FHIT: variants seen among roughly 807,000 people sequenced by gnomAD.
The protein encoded by FHIT is bis(5'-adenosyl)-triphosphatase.
A neutral mutation model predicts 17.9 loss-of-function variants in FHIT; 19 were observed. The observed-to-expected ratio is 1.06, with a 90% CI of 0.74 to 1.56. FHIT has a LOEUF of 1.56. Ranked by LOEUF, FHIT falls within the 40% of genes most tolerant of loss-of-function variation. The pLI is 0.00. For missense variants in FHIT, 248 were observed against 189.2 expected, an observed-to-expected ratio of 1.31 and a Z score of -1.82; for synonymous variants, 81 against 69.7, an observed-to-expected ratio of 1.16 and a Z score of -0.81.
At chr3:61,134,510 A>G (rs1412937007) in intron 2 of FHIT, among the ~76,000 whole-genome samples, 1 of 152,174 alleles carries the variant, frequency 6.6e-6, no homozygotes, top group Non-Finnish European at 1.5e-5. Flanking sequence ...CTGACTTCAA[A>G]AAGCTATGAG....
intron 4 of FHIT, among the ~76,000 whole-genome samples, chr3:60,538,264 A>G (rs1442288664): frequency 6.6e-6 from 1 of 152,220 alleles, no homozygotes; most frequent in Non-Finnish European, 1.5e-5. Flanking sequence ...GGAGAACTAC[A>G]AACCACTGCT....
chr3:60,818,228 G>A (rs1209628433), intron 4 of FHIT, among the ~76,000 whole-genome samples: 3 of 152,066 alleles, frequency 2.0e-5, no homozygotes, highest in East Asian at 3.9e-4. Context: ...GGCTCATCTT[G>A]GAATTGGTCT....
intron 8 of FHIT, among the ~76,000 whole-genome samples, chr3:59,913,409 G>A (rs1046271323): frequency 6.6e-6 from 1 of 152,112 alleles, no homozygotes; most frequent in Non-Finnish European, 1.5e-5. Flanking sequence ...AACAGACTTT[G>A]ATATAAACAA....
At chr3:60,992,288 C>G (rs1472402208) in intron 3 of FHIT, among the ~76,000 whole-genome samples, 1 of 152,210 alleles carries the variant, frequency 6.6e-6, no homozygotes, top group African/African-American at 2.4e-5. Context: ...TGCTCTATAA[C>G]TTGATCTAGA....
intron 5 of FHIT, among the ~76,000 whole-genome samples, chr3:60,320,498 G>GTT (rs1553743376): frequency 6.6e-6 from 1 of 152,174 alleles, no homozygotes; most frequent in Non-Finnish European, 1.5e-5. Context: ...TTTAACAGCT[G>GTT]TAACGCTAAA....
At chr3:60,211,669 T>C (rs1010722619) in intron 5 of FHIT, among the ~76,000 whole-genome samples, 16 of 152,178 alleles carry the variant, frequency 1.1e-4, no homozygotes, top group Admixed American at 8.5e-4. Context: ...CTCTTGTGCA[T>C]GTACTGTGAA....
At chr3:60,224,632 T>G (rs1704107038) in intron 5 of FHIT, among the ~76,000 whole-genome samples, 1 of 152,282 alleles carries the variant, frequency 6.6e-6, no homozygotes, top group South Asian at 2.1e-4. Context: ...ACAAATTATA[T>G]GTCCACCCAA....
intron 1 of FHIT, among the ~76,000 whole-genome samples, chr3:61,231,914 T>C (rs150858417): frequency 5.9e-5 from 9 of 152,298 alleles, no homozygotes; most frequent in African/African-American, 2.2e-4. Flanking sequence ...CCTATATTAT[T>C]GAACTGGCAT....
chr3:61,035,456 CA>C (rs2033195844), intron 3 of FHIT, among the ~76,000 whole-genome samples: 1 of 152,080 alleles, frequency 6.6e-6, no homozygotes. Flanking sequence ...TTAAACTACC[CA>C]AAATTTACTT....
intron 4 of FHIT, among the ~76,000 whole-genome samples, chr3:60,777,008 G>T (rs1700235156): frequency 6.6e-6 from 1 of 152,132 alleles, no homozygotes; most frequent in Middle Eastern, 3.2e-3. Context: ...GCATAACGAG[G>T]TTTTCCTAAG....
intron 2 of FHIT, among the ~76,000 whole-genome samples, chr3:61,119,692 C>G (rs1257729548): frequency 6.6e-6 from 1 of 152,168 alleles, no homozygotes; most frequent in Non-Finnish European, 1.5e-5. Flanking sequence ...ATGTGGCCAT[C>G]ATCCAATCCA....
At chr3:61,114,104 A>G (rs1238388476) in intron 2 of FHIT, among the ~76,000 whole-genome samples, 3 of 152,162 alleles carry the variant, frequency 2.0e-5, no homozygotes, top group Non-Finnish European at 4.4e-5. Flanking sequence ...TAGGAGTACA[A>G]TGAAATCATG....
intron 5 of FHIT, among the ~76,000 whole-genome samples, chr3:60,258,411 A>G (rs1272429038): frequency 6.6e-6 from 1 of 152,152 alleles, no homozygotes; most frequent in Non-Finnish European, 1.5e-5. Flanking sequence ...ATGTTCTACC[A>G]TAATTAATGC....
chr3:61,108,055 A>T (rs1365551821), intron 2 of FHIT, among the ~76,000 whole-genome samples: 1 of 152,238 alleles, frequency 6.6e-6, no homozygotes, highest in East Asian at 1.9e-4. Flanking sequence ...CTAACAAACC[A>T]TTCTAACAAG....
intron 4 of FHIT, among the ~76,000 whole-genome samples, chr3:60,591,520 C>T (rs1553664273): frequency 6.6e-6 from 1 of 152,056 alleles, no homozygotes; most frequent in Non-Finnish European, 1.5e-5. Flanking sequence ...TGTATAAATC[C>T]ACTTGCTATA....
At chr3:60,512,176 A>G (rs1392855537) in intron 5 of FHIT, among the ~76,000 whole-genome samples, 1 of 152,216 alleles carries the variant, frequency 6.6e-6, no homozygotes, top group African/African-American at 2.4e-5. Context: ...ATGTCTATTA[A>G]TTCAAGTCAC....
chr3:60,022,777 T>C lies in FHIT; in HGVS notation c.104-8625A>G, dbSNP rs188010186. ...CAGGGAGGAAAAAAATATTAGCGTG[T>C]ATACCAAGTACCTGCCATTCTTCAA... On this transcript the variant is annotated intron_variant, in intron 5 of 9. Transcript: ENST00000492590. 2.2e-3 allele frequency among the ~76,000 whole-genome samples: 328 copies of C among 152,324 alleles called. 1 individual carries two copies. Among genetic ancestry groups the C allele is most frequent in the African/African-American group, 7.6e-3 (314 of 41,578 alleles).
At chr3:60,462,106 T>C (rs1460451616) in intron 5 of FHIT, among the ~76,000 whole-genome samples, 1 of 152,086 alleles carries the variant, frequency 6.6e-6, no homozygotes, top group Non-Finnish European at 1.5e-5. Flanking sequence ...CGGGGGGATG[T>C]TATGCAACAA....
At chr3:61,165,842 A>G (rs1435933825) in intron 2 of FHIT, 1 of 152,218 alleles carries the variant, frequency 6.6e-6, no homozygotes, top group Non-Finnish European at 1.5e-5. Context: ...AAAAAAAAAG[A>G]GAAAGAAAGA....
Sources: gnomAD v4.1 joint callset for allele counts (sites outside exome capture counted in the v4.1 genomes callset) on GRCh38, gnomAD v4.1.1 for gene constraint, MANE v1.5 for transcripts, NCBI Gene and HGNC (gene_info 2026-07-23, HGNC 2026-07-21) for gene names.